The following USP12 variants were observed in gnomAD, a reference collection of about 807,000 sequenced individuals.
The protein encoded by USP12 is ubiquitin specific peptidase 12.
In USP12, 19 loss-of-function variants were observed where a neutral mutation model predicts 45.5. The ratio of observed to expected loss-of-function variants is 0.42; its 90% confidence interval spans 0.29 to 0.61. USP12 has a LOEUF of 0.61. USP12 is among the 20% of genes least tolerant of loss of function. The pLI is 0.22. For synonymous variants in USP12, 149 were observed against 148.8 expected, an observed-to-expected ratio of 1.00 and a Z score of -0.01; for missense variants, 242 against 447.7, an observed-to-expected ratio of 0.54 and a Z score of 4.15.
chr13:27,127,668 C>G (rs765146234), intron 1 of USP12, among the ~76,000 whole-genome samples: 3 of 152,172 alleles, frequency 2.0e-5, no homozygotes, highest in Non-Finnish European at 2.9e-5. Flanking sequence ...GGCAAGTTCT[C>G]AAAAACTGAA....
chr13:27,139,475 G>A (rs1344116929), intron 1 of USP12, among the ~76,000 whole-genome samples: 1 of 152,132 alleles, frequency 6.6e-6, no homozygotes, highest in East Asian at 1.9e-4. Flanking sequence ...AATCAGCTGG[G>A]CATGGGGCTG....
At chr13:27,071,233 A>G (rs1873234520) in intron 7 of USP12, 84 bp from the exon 8 acceptor site, 2 of 1,200,536 alleles carry the variant, frequency 1.7e-6, no homozygotes, top group Non-Finnish European at 2.3e-6. Flanking sequence ...ATAAAGAAAC[A>G]GAAACAGATA....
At position 27,066,179 on chromosome 13, in the gene USP12, A is replaced by G. The variant is rs1872982893; in HGVS notation, c.*3104T>C. ...GGCACAAATAAACCAACTTTAATAG[A>G]TATTATTTTGTATTTATATAGTGCC... On this transcript the variant is annotated 3_prime_UTR_variant, in exon 9 of 9. Coordinates refer to ENST00000282344, the MANE Select transcript of USP12 (RefSeq NM_182488.4). The G allele has an allele frequency of 6.6e-6, 1 of 152,204 alleles. No homozygotes were observed. The highest frequency in any genetic ancestry group is 1.5e-5 in the Non-Finnish European group (1 of 68,028). 9.4% of individuals were successfully genotyped at this position (152,204 alleles called of 1,614,324 possible).
chr13:27,156,592 C>T (rs146035332), intron 1 of USP12, among the ~76,000 whole-genome samples: 68 of 152,260 alleles, frequency 4.5e-4, no homozygotes, highest in African/African-American at 1.6e-3. Context: ...CCAAGACAGG[C>T]GGATCACCTG....
At chr13:27,171,134 G>A (rs1401875369) in intron 1 of USP12, among the ~76,000 whole-genome samples, 1 of 151,114 alleles carries the variant, frequency 6.6e-6, no homozygotes, top group Non-Finnish European at 1.5e-5. Context: ...GCGACCAGAA[G>A]GAAATGGAGC....
Position 27,069,335 on chromosome 13 carries a change from A to G in USP12, c.1061T>C (p.Ile354Thr), listed in dbSNP as rs1873131374. ...IEEFYGLTSD[I>T]SKNSESGYIL... ...GTAACCAGACTCAGAGTTCTTTGAG[A>G]TATCTGATGTCAACCCGTAGAATTC... The change falls in exon 9 of 9, where the codon ATC becomes ACC. Residue 354 changes from isoleucine to threonine, a missense_variant. By Grantham distance (89) the Ile-to-Thr change is moderately conservative (BLOSUM62 -1). Coordinates refer to ENST00000282344, the MANE Select transcript of USP12 (RefSeq NM_182488.4). 1 of 1,612,700 alleles carries G rather than the reference A, an allele frequency of 6.2e-7. No homozygotes were observed. Among genetic ancestry groups the G allele is most frequent in the East Asian group, 2.2e-5 (1 of 44,882 alleles).
chr13:27,152,941 C>CAAA (rs11306580), intron 1 of USP12, among the ~76,000 whole-genome samples: 5 of 92,782 alleles, frequency 5.4e-5, no homozygotes, highest in African/African-American at 8.6e-5. Flanking sequence ...GACTCCGTCT[C>CAAA]AAAAAAAAAA....
chr13:27,079,153 C>T (rs532979265), intron 6 of USP12, among the ~76,000 whole-genome samples: 1 of 135,634 alleles, frequency 7.4e-6, no homozygotes, highest in East Asian at 2.3e-4. Flanking sequence ...GGTCCTGTTC[C>T]CTAGAGCAGA....
At chr13:27,151,398 A>C (rs995050734) in intron 1 of USP12, among the ~76,000 whole-genome samples, 1 of 152,220 alleles carries the variant, frequency 6.6e-6, no homozygotes, top group African/African-American at 2.4e-5. Flanking sequence ...TGGCACCATC[A>C]AGAAAATGAA....
chr13:27,079,644 AAT>A (rs1288181376), intron 6 of USP12, among the ~76,000 whole-genome samples: 2 of 152,240 alleles, frequency 1.3e-5, no homozygotes, highest in Non-Finnish European at 2.9e-5. Flanking sequence ...TGTTTTTCTC[AAT>A]AGTCAGAAAC....
chr13:27,097,148 T>C (rs917796364), intron 3 of USP12, among the ~76,000 whole-genome samples: 4 of 151,084 alleles, frequency 2.6e-5, no homozygotes, highest in African/African-American at 9.7e-5. Context: ...GAGAAAATGT[T>C]CAATCCCATA....
At chr13:27,146,420 A>C (rs1468267815) in intron 1 of USP12, among the ~76,000 whole-genome samples, 1 of 152,066 alleles carries the variant, frequency 6.6e-6, no homozygotes, top group Non-Finnish European at 1.5e-5. Flanking sequence ...GCACCTATGT[A>C]ATAACGCACA....
At chr13:27,162,232 T>G (rs994780741) in intron 1 of USP12, among the ~76,000 whole-genome samples, 1 of 152,176 alleles carries the variant, frequency 6.6e-6, no homozygotes, top group Non-Finnish European at 1.5e-5. Flanking sequence ...ATTTCATAAC[T>G]GAAACCAGTT....
At chr13:27,109,338 C>G (rs1361455049) in intron 2 of USP12, among the ~76,000 whole-genome samples, 16 of 152,188 alleles carry the variant, frequency 1.1e-4, no homozygotes, top group Non-Finnish European at 2.9e-5. Flanking sequence ...ATCTTACCTC[C>G]TATGAAGTAT....
chr13:27,150,512 C>T (rs1312578943), intron 1 of USP12, among the ~76,000 whole-genome samples: 1 of 152,162 alleles, frequency 6.6e-6, no homozygotes, highest in Non-Finnish European at 1.5e-5. Context: ...AATGGCAATA[C>T]TCCACAAACT....
chr13:27,125,665 G>A (rs190469925), intron 1 of USP12, among the ~76,000 whole-genome samples: 9 of 152,198 alleles, frequency 5.9e-5, no homozygotes, highest in African/African-American at 1.9e-4. Context: ...CCCCTCACCC[G>A]GGAAGCGCAA....
intron 2 of USP12, among the ~76,000 whole-genome samples, chr13:27,110,127 T>TTAAAAAAAAAAAAAAAAAAA (rs9319342): frequency 8.4e-6 from 1 of 119,620 alleles, no homozygotes; most frequent in African/African-American, 3.2e-5. Context: ...CTTTTCCAGG[T>TTAAAAAAAAAAAAAAAAAAA]AAAAAAAAAA....
At chr13:27,122,424 C>T (rs558052559) in intron 1 of USP12, among the ~76,000 whole-genome samples, 1 of 152,202 alleles carries the variant, frequency 6.6e-6, no homozygotes, top group African/African-American at 2.4e-5. Flanking sequence ...AACTCTTTTT[C>T]TTCACGGTCT....
intron 4 of USP12, among the ~76,000 whole-genome samples, chr13:27,094,294 A>T (rs1055312788): frequency 1.3e-5 from 2 of 152,056 alleles, no homozygotes; most frequent in African/African-American, 4.8e-5. Context: ...ACTTGAGGGC[A>T]GGAGTTCAAG....
Sources: gnomAD v4.1 joint callset for allele counts (sites outside exome capture counted in the v4.1 genomes callset) on GRCh38, gnomAD v4.1.1 for gene constraint, MANE v1.5 for transcripts, NCBI Gene and HGNC (gene_info 2026-07-23, HGNC 2026-07-21) for gene names.